The following MPP7 variants were observed in gnomAD, a reference collection of about 807,000 sequenced individuals.
MPP7 encodes MAGUK p55 scaffold protein 7, also known as MAGUK p55 subfamily member 7.
MPP7 carries 60 observed loss-of-function variants against 76.5 expected under a neutral mutation model. That is an observed-to-expected ratio of 0.78 (90% CI 0.64 to 0.97). The LOEUF (loss-of-function observed/expected upper bound fraction) is 0.97, where lower values mean the gene tolerates loss of function less well. Among genes scored for constraint, MPP7 ranks in the 50% least tolerant of loss-of-function variants. The pLI, the probability that MPP7 is intolerant of heterozygous loss-of-function variation, is 0.00. For missense variants in MPP7, 641 were observed against 694.0 expected (o/e 0.92, Z 0.86); for synonymous variants, 237 against 244.5 (o/e 0.97, Z 0.29).
At chr10:28,054,572 C>T (rs1851480653) in intron 16 of MPP7, among the ~76,000 whole-genome samples, 1 of 152,154 alleles carries the variant, frequency 6.6e-6, no homozygotes, top group South Asian at 2.1e-4. Flanking sequence ...GAATTGTTTA[C>T]TCTGATGTTT....
intron 3 of MPP7, among the ~76,000 whole-genome samples, chr10:28,187,481 G>C (rs1837275334): frequency 6.6e-6 from 1 of 152,190 alleles, no homozygotes; most frequent in African/African-American, 2.4e-5. Context: ...TCTCCGCTCT[G>C]TCAGACCAGG....
At chr10:28,262,226 CATATATATATATATATACAT>C (rs1839993789) in intron 1 of MPP7, among the ~76,000 whole-genome samples, 2 of 42,652 alleles carry the variant, frequency 4.7e-5, no homozygotes, top group African/African-American at 2.4e-4. Flanking sequence ...TATATATATA[CATATATATATATATATACAT>C]ATATATATAT....
intron 14 of MPP7, 48 bp from the exon 15 acceptor site, chr10:28,058,651 T>A: frequency 9.8e-7 from 1 of 1,015,744 alleles, no homozygotes; most frequent in Non-Finnish European, 1.4e-6. Flanking sequence ...TTAAAACAAT[T>A]ATAGGTGGCA....
chr10:28,261,391 T>C (rs942285800), intron 1 of MPP7, among the ~76,000 whole-genome samples: 1 of 151,874 alleles, frequency 6.6e-6, no homozygotes, highest in Non-Finnish European at 1.5e-5. Context: ...TTGAAATGAG[T>C]CAAAGACCAG....
chr10:28,175,361 G>A (rs372656215), intron 3 of MPP7, among the ~76,000 whole-genome samples: 2 of 152,060 alleles, frequency 1.3e-5, no homozygotes, highest in Non-Finnish European at 2.9e-5. Context: ...TGAGCCGAGT[G>A]ATTTACTTAG....
intron 3 of MPP7, 114 bp from the exon 4 acceptor site, chr10:28,150,173 G>GT: frequency 1.4e-6 from 1 of 720,742 alleles, no homozygotes; most frequent in Non-Finnish European, 2.3e-6. Flanking sequence ...AAAGTTATAT[G>GT]TTTATGACAT....
intron 6 of MPP7, among the ~76,000 whole-genome samples, chr10:28,129,586 TC>T (rs1253825233): frequency 1.4e-5 from 2 of 139,886 alleles, no homozygotes; most frequent in Non-Finnish European, 3.1e-5. Context: ...AGACTCCGTC[TC>T]AAAAAAAAAA....
At chr10:28,298,945 T>C (rs1443341869) in intron 1 of MPP7, among the ~76,000 whole-genome samples, 1 of 152,196 alleles carries the variant, frequency 6.6e-6, no homozygotes, top group African/African-American at 2.4e-5. Context: ...TTCTGTAACT[T>C]CCTTACCTCT....
At chr10:28,146,440 C>T (rs1835708857) in intron 5 of MPP7, among the ~76,000 whole-genome samples, 1 of 142,426 alleles carries the variant, frequency 7.0e-6, no homozygotes, top group African/African-American at 2.6e-5. Flanking sequence ...CTCGCTCTGT[C>T]GCCCAGGCTG....
At chr10:28,267,853 C>T (rs886184223) in intron 1 of MPP7, among the ~76,000 whole-genome samples, 3 of 151,684 alleles carry the variant, frequency 2.0e-5, no homozygotes, top group South Asian at 2.1e-4. Flanking sequence ...CTGGGCAACA[C>T]GGTGAAACTC....
chr10:28,259,040 C>T (rs1210561128), intron 1 of MPP7, among the ~76,000 whole-genome samples: 1 of 152,068 alleles, frequency 6.6e-6, no homozygotes, highest in Non-Finnish European at 1.5e-5. Flanking sequence ...TGAAACTGCA[C>T]CTCTAATGTA....
intron 13 of MPP7, among the ~76,000 whole-genome samples, chr10:28,061,440 T>C (rs1275071747): frequency 6.6e-6 from 1 of 151,250 alleles, no homozygotes; most frequent in African/African-American, 2.4e-5. Flanking sequence ...AATAACAGAA[T>C]GACAGAAAGA....
At chr10:28,277,915 G>A (rs1381237802) in intron 1 of MPP7, among the ~76,000 whole-genome samples, 1 of 151,982 alleles carries the variant, frequency 6.6e-6, no homozygotes. Flanking sequence ...AAACAGAAAA[G>A]GAATCCATGA....
chr10:28,278,958 C>A (rs998606363), intron 1 of MPP7, among the ~76,000 whole-genome samples: 1 of 151,856 alleles, frequency 6.6e-6, no homozygotes, highest in African/African-American at 2.4e-5. Context: ...TATCTCTTGC[C>A]TAATGAAGAT....
intron 16 of MPP7, among the ~76,000 whole-genome samples, chr10:28,054,696 A>G (rs1348088445): frequency 6.6e-6 from 1 of 152,036 alleles, no homozygotes; most frequent in African/African-American, 2.4e-5. Context: ...TTTTGTTTTG[A>G]GATAGAGTCT....
At chr10:28,147,872 A>G (rs1835760561) in intron 4 of MPP7, among the ~76,000 whole-genome samples, 2 of 152,130 alleles carry the variant, frequency 1.3e-5, no homozygotes, top group East Asian at 3.9e-4. Context: ...CACCTAGACA[A>G]AGGACCACTT....
intron 1 of MPP7, among the ~76,000 whole-genome samples, chr10:28,284,733 G>A (rs1046028389): frequency 4.6e-5 from 7 of 152,146 alleles, no homozygotes; most frequent in East Asian, 1.9e-4. Context: ...AATGTAACAA[G>A]AACAGAGGTC....
rs759404017 is a variant in MPP7, at chr10:28,124,015, G to T, written c.615+16C>A. ...TTTTATTTTTATTGTACCTTTAAAA[G>T]AAATTTACAGCTTACCAAAATCTGT... On this transcript the variant is annotated intron_variant, in intron 8 of 16. Coordinates refer to ENST00000683449, the MANE Select transcript of MPP7 (RefSeq NM_001318170.2). 5.8e-6 allele frequency: 9 copies of T among 1,539,588 alleles called. No homozygotes were observed. The highest frequency in any genetic ancestry group is 1.4e-5 in the African/African-American group (1 of 73,452).
intron 6 of MPP7, among the ~76,000 whole-genome samples, chr10:28,130,427 C>T (rs1292811416): frequency 6.6e-6 from 1 of 152,134 alleles, no homozygotes; most frequent in Admixed American, 6.6e-5. Context: ...CATTATGGAT[C>T]CCAATAAACA....
Sources: allele counts gnomAD v4.1 joint callset (sites outside exome capture counted in the v4.1 genomes callset), GRCh38; gene constraint gnomAD v4.1.1; transcripts MANE v1.5; gene names NCBI Gene and HGNC (gene_info 2026-07-23, HGNC 2026-07-21).